NME9: variants seen among roughly 807,000 people sequenced by gnomAD.
NME9 encodes thioredoxin domain-containing protein 6.
NME9 carries 48 observed loss-of-function variants against 44.4 expected under a neutral mutation model. That is an observed-to-expected ratio of 1.08 (90% CI 0.86 to 1.37). The LOEUF is 1.37. Ranked by LOEUF, NME9 falls within the 40% of genes most tolerant of loss-of-function variation. NME9 has a pLI of 0.00. For missense variants in NME9, 325 were observed against 405.2 expected (o/e 0.80, Z 1.70); for synonymous variants, 139 against 147.1 (o/e 0.94, Z 0.40).
chr3:138,267,070 TG>T (rs1348711942), intron 8 of NME9: 62 of 739,288 alleles, frequency 8.4e-5, no homozygotes, highest in Non-Finnish European at 1.0e-4. Context: ...TAATTGTTCT[TG>T]TTTTTATTTA....
intron 8 of NME9, chr3:138,263,630 C>A (rs961158751): frequency 4.9e-6 from 5 of 1,030,922 alleles, no homozygotes; most frequent in African/African-American, 3.1e-5. Flanking sequence ...AAAACTCTTG[C>A]CAAAAACAAC....
At chr3:138,298,463 G>C (rs1403418574), downstream of NME9, 1 of 152,214 alleles carries the variant, frequency 6.6e-6, no homozygotes, top group African/African-American at 2.4e-5. Flanking sequence ...TGGAACCTGT[G>C]ATTCTTGGTA....
At chr3:138,268,446 G>A (rs184451077) in intron 8 of NME9, among the ~76,000 whole-genome samples, 20 of 152,236 alleles carry the variant, frequency 1.3e-4, no homozygotes, top group Admixed American at 1.0e-3. Flanking sequence ...GTGTACCACC[G>A]TTAATCATCC....
rs922944757 is a variant in NME9 at position 138,301,573 on chromosome 3, G to A, written c.*67C>T. The A allele has an allele frequency of 2.5e-4, 375 of 1,523,208 alleles. 1 individual carries two copies. The highest frequency in any genetic ancestry group is 2.9e-4 in the Non-Finnish European group (326 of 1,142,152). 94.4% of individuals were successfully genotyped at this position (1,523,208 alleles called of 1,614,324 possible). The stretch of plus-strand genomic sequence containing the variant: ...ATTGGTACTCAAAAGAGTAAGTTCC[G>A]ATTCCGGAGGTCTGTTTTGTGCAGT... On this transcript the variant is annotated 3_prime_UTR_variant, in exon 11 of 11. Transcript: ENST00000333911.
chr3:138,306,322 C>T lies in NME9; in HGVS notation c.543+76G>A. On this transcript the variant is annotated intron_variant, in intron 7 of 10. Transcript: ENST00000333911. ...ATCTTTCTGCACTAAGATATCACTGCCCAGTGCCCCATCCCTGTTTATCCA... is the reference window on the plus strand; with the variant it reads ...ATCTTTCTGCACTAAGATATCACTGTCCAGTGCCCCATCCCTGTTTATCCA... The T allele has an allele frequency of 3.6e-6, 4 of 1,098,472 alleles. 1 individual carries two copies. The highest frequency in any genetic ancestry group is 3.9e-4 in the Middle Eastern group (2 of 5,094). 68.0% of individuals were successfully genotyped at this position (1,098,472 alleles called of 1,614,324 possible).
downstream of NME9, among the ~76,000 whole-genome samples, chr3:138,299,226 C>T (rs897996443): frequency 6.6e-6 from 1 of 152,098 alleles, no homozygotes; most frequent in African/African-American, 2.4e-5. Context: ...CTGAGGGAAC[C>T]CCCCAAGGGC....
intron 2 of NME9, among the ~76,000 whole-genome samples, chr3:138,323,302 G>A (rs183001760): frequency 7.4e-4 from 112 of 152,334 alleles, no homozygotes; most frequent in Admixed American, 3.0e-3. Context: ...TGTAATCCCA[G>A]CTACTTGGGA....
intron 8 of NME9, among the ~76,000 whole-genome samples, chr3:138,279,968 A>T (rs984097829): frequency 7.3e-4 from 110 of 150,376 alleles, no homozygotes; most frequent in African/African-American, 2.6e-3. Flanking sequence ...GCAGTGGCTG[A>T]TCTCGGCTCA....
downstream of NME9, chr3:138,296,096 G>T: frequency 4.1e-6 from 2 of 486,820 alleles, no homozygotes; most frequent in Non-Finnish European, 7.2e-6. Flanking sequence ...AGACTCTTGT[G>T]TTTTGTTTTG....
At chr3:138,294,841 T>G (rs1322576793) in intron 8 of NME9, among the ~76,000 whole-genome samples, 2 of 152,098 alleles carry the variant, frequency 1.3e-5, no homozygotes, top group Non-Finnish European at 2.9e-5. Context: ...CAGGATAGAT[T>G]AAGTCACTGT....
chr3:138,319,316 G>C (rs2053311753), intron 3 of NME9, among the ~76,000 whole-genome samples, 162 bp downstream of exon 3: 1 of 152,186 alleles, frequency 6.6e-6, no homozygotes, highest in Non-Finnish European at 1.5e-5. Flanking sequence ...TTCATAACTA[G>C]AGAAATTAGA....
At chr3:138,303,882 G>A (rs188953251) in intron 9 of NME9, among the ~76,000 whole-genome samples, 178 of 152,180 alleles carry the variant, frequency 1.2e-3, no homozygotes, top group Non-Finnish European at 2.1e-3. Flanking sequence ...TTACATTTTC[G>A]CCACAGCTCT....
At chr3:138,305,949 T>C in intron 8 of NME9, 55 bp downstream of exon 8, 1 of 1,135,242 alleles carries the variant, frequency 8.8e-7, no homozygotes, top group Non-Finnish European at 1.3e-6. Context: ...ATAAGCATAA[T>C]GTTGGAGGAA....
chr3:138,287,229 G>A (rs1160340499), intron 8 of NME9, among the ~76,000 whole-genome samples: 1 of 152,204 alleles, frequency 6.6e-6, no homozygotes, highest in Non-Finnish European at 1.5e-5. Flanking sequence ...AGTCCTTACT[G>A]TGGCCTACAA....
intron 2 of NME9, among the ~76,000 whole-genome samples, chr3:138,322,026 G>A (rs1317226065): frequency 6.6e-6 from 1 of 151,976 alleles, no homozygotes; most frequent in African/African-American, 2.4e-5. Context: ...AGAGGATAAA[G>A]TTCTGGGCTT....
chr3:138,302,810 G>T (rs2051939427), intron 10 of NME9, among the ~76,000 whole-genome samples: 1 of 152,178 alleles, frequency 6.6e-6, no homozygotes, highest in Non-Finnish European at 1.5e-5. Context: ...CATCCTTTGG[G>T]TTTTCCCAAA....
In NME9 at chr3:138,304,816, A is replaced by G. The variant is rs2052113132; in HGVS notation, c.791+57T>C. 5.2e-6 allele frequency: 8 copies of G among 1,552,830 alleles called. No homozygotes were observed. In the Admixed American group the frequency reaches 1.2e-4, roughly 23 times the overall value. ...CTAGGCTGAACACTGAGTGGGACTC[A>G]GCCTCCTGGGATGCAGGTTTTAAGA... On this transcript the variant is annotated intron_variant, in intron 9 of 10. Transcript: ENST00000333911.
chr3:138,323,819 T>C (rs1228643487), intron 2 of NME9, among the ~76,000 whole-genome samples: 1 of 152,062 alleles, frequency 6.6e-6, no homozygotes, highest in Admixed American at 6.5e-5. Flanking sequence ...CACAGAGATA[T>C]CTACAGTGAA....
chr3:138,288,543 T>G (rs1318349272), intron 8 of NME9, among the ~76,000 whole-genome samples: 1 of 152,160 alleles, frequency 6.6e-6, no homozygotes, highest in Non-Finnish European at 1.5e-5. Context: ...GATTCTCCAC[T>G]GTCCCTTGTT....
Sources: allele counts gnomAD v4.1 joint callset (sites outside exome capture counted in the v4.1 genomes callset), GRCh38; gene constraint gnomAD v4.1.1; transcripts MANE v1.5; gene names NCBI Gene and HGNC (gene_info 2026-07-23, HGNC 2026-07-21).